Variants in SLC17A8 observed in about 807,000 individuals in gnomAD.
The protein encoded by SLC17A8 is vesicular glutamate transporter 3.
In SLC17A8, 31 loss-of-function variants were observed where a neutral mutation model predicts 58.0. The ratio of observed to expected loss-of-function variants is 0.53; its 90% confidence interval spans 0.40 to 0.72. The LOEUF (loss-of-function observed/expected upper bound fraction) is 0.72, where lower values mean the gene tolerates loss of function less well. SLC17A8 is among the 30% of genes least tolerant of loss of function. The probability of loss-of-function intolerance (pLI) is 0.00; values close to 1 mark genes in which losing one functional copy is unlikely to be tolerated. For missense variants in SLC17A8, 655 were observed against 727.8 expected, an observed-to-expected ratio of 0.90 and a Z score of 1.15; for synonymous variants, 228 against 249.0, an observed-to-expected ratio of 0.92 and a Z score of 0.79.
At chr12:100,399,064 T>A (rs1952772286) in intron 5 of SLC17A8, among the ~76,000 whole-genome samples, 2 of 152,214 alleles carry the variant, frequency 1.3e-5, no homozygotes, top group South Asian at 4.1e-4. Context: ...GAAATCAGAC[T>A]AATACATCCA....
chr12:100,397,159 G>C (rs1042617119), intron 5 of SLC17A8, among the ~76,000 whole-genome samples: 1 of 152,162 alleles, frequency 6.6e-6, no homozygotes, highest in African/African-American at 2.4e-5. Context: ...AGGGTTGGAA[G>C]TGGTTGTTGG....
chr12:100,406,288 T>C (rs1016885583), intron 9 of SLC17A8, among the ~76,000 whole-genome samples: 3 of 152,178 alleles, frequency 2.0e-5, no homozygotes, highest in African/African-American at 7.2e-5. Flanking sequence ...TGGTGCCTTA[T>C]TGCAGCTCTC....
chr12:100,382,091 CCA>C (rs2036540133), intron 2 of SLC17A8, among the ~76,000 whole-genome samples: 1 of 152,166 alleles, frequency 6.6e-6, no homozygotes, highest in Non-Finnish European at 1.5e-5. Context: ...AGGATTCCAT[CCA>C]CAGACTCCAG....
chr12:100,377,879 C>T (rs1222661018), intron 1 of SLC17A8, among the ~76,000 whole-genome samples: 3 of 152,146 alleles, frequency 2.0e-5, no homozygotes, highest in African/African-American at 7.2e-5. Flanking sequence ...TGAGCCACCG[C>T]GCCCAGCCTG....
chr12:100,379,928 A>G (rs1399442571), intron 1 of SLC17A8, among the ~76,000 whole-genome samples: 2 of 152,212 alleles, frequency 1.3e-5, no homozygotes, highest in African/African-American at 4.8e-5. Flanking sequence ...GGCCGGGCAC[A>G]GTGCCTCACA....
chr12:100,401,226 T>C (rs1034432952), intron 5 of SLC17A8, among the ~76,000 whole-genome samples: 3 of 151,976 alleles, frequency 2.0e-5, no homozygotes, highest in Admixed American at 2.0e-4. Context: ...CTTGAACTCC[T>C]GGCCTCAAGT....
intron 5 of SLC17A8, among the ~76,000 whole-genome samples, chr12:100,397,941 C>CAA (rs977464575): frequency 8.0e-6 from 1 of 125,010 alleles, no homozygotes; most frequent in Non-Finnish European, 1.7e-5. Context: ...GACCCCGTCT[C>CAA]AAAAAAAAAA....
intron 4 of SLC17A8, 112 bp downstream of exon 4, chr12:100,393,595 T>A: frequency 1.3e-6 from 1 of 789,030 alleles, no homozygotes; most frequent in Non-Finnish European, 2.2e-6. Flanking sequence ...TATATTTTCT[T>A]CCTTTTCCTG....
chr12:100,378,240 T>C (rs1240168292), intron 1 of SLC17A8, among the ~76,000 whole-genome samples: 3 of 152,184 alleles, frequency 2.0e-5, no homozygotes, highest in Non-Finnish European at 4.4e-5. Context: ...GATGACCAAG[T>C]GTTTTCCTGG....
intron 9 of SLC17A8, among the ~76,000 whole-genome samples, chr12:100,405,127 A>C (rs963836546): frequency 1.3e-5 from 2 of 152,240 alleles, no homozygotes; most frequent in African/African-American, 4.8e-5. Flanking sequence ...GCATTTCGGG[A>C]AGAAAGCCTA....
At chr12:100,414,314 C>A (rs959947088) in intron 10 of SLC17A8, among the ~76,000 whole-genome samples, 1 of 152,076 alleles carries the variant, frequency 6.6e-6, no homozygotes, top group African/African-American at 2.4e-5. Flanking sequence ...GGGCTTGTAT[C>A]TTTCAAAATA....
Position 100,418,241 on chromosome 12 carries a change from G to T in SLC17A8, c.1425+85G>T. ...CTTGAGATTTCAAGGCTCTACTGCA[G>T]TCTGTAAATGTGTATGTCCTTGACC... On this transcript the variant is annotated intron_variant, in intron 11 of 11. Transcript: ENST00000323346. The T allele has an allele frequency of 5.2e-6, 8 of 1,537,778 alleles. No homozygotes were observed. In the Middle Eastern group the frequency reaches 1.1e-3, roughly 209 times the overall value.
At chr12:100,405,799 G>C (rs991638518) in intron 9 of SLC17A8, among the ~76,000 whole-genome samples, 4 of 152,088 alleles carry the variant, frequency 2.6e-5, no homozygotes, top group African/African-American at 9.7e-5. Context: ...TGATATTTGT[G>C]TTGTTTTGAG....
rs776929603 is a variant in SLC17A8 at position 100,380,953 on chromosome 12, G to C, written c.354G>C (p.Gln118His). The change falls in exon 2 of 12, where the codon CAG (glutamine) becomes CAC (histidine). Residue 118 changes from glutamine to histidine, a missense_variant and splice_region_variant. By Grantham distance (24) the Gln-to-His change is conservative. Coordinates refer to ENST00000323346, the MANE Select transcript of SLC17A8 (RefSeq NM_139319.3). ...TVYVDGKPEI[Q>H]TAQFNWDPET... ...ATGTTGATGGAAAACCGGAAATTCA[G>C]GTTGGTATCAGTCCATGGTGGAAGA... is the stretch of plus-strand genomic sequence containing the variant. The C allele has an allele frequency of 6.2e-7, 1 of 1,613,878 alleles. No individual in the cohort carries two copies. Among genetic ancestry groups the C allele is most frequent in the African/African-American group, 1.3e-5 (1 of 74,882 alleles).
At chr12:100,359,898 G>A (rs1952473674) in intron 1 of SLC17A8, among the ~76,000 whole-genome samples, 1 of 152,220 alleles carries the variant, frequency 6.6e-6, no homozygotes, top group African/African-American at 2.4e-5. Flanking sequence ...CTGTTTTGTA[G>A]GAGCTTTTGG....
At chr12:100,416,293 T>C (rs1024284143) in intron 10 of SLC17A8, among the ~76,000 whole-genome samples, 5 of 152,246 alleles carry the variant, frequency 3.3e-5, no homozygotes, top group African/African-American at 9.6e-5. Flanking sequence ...TCAACAATCA[T>C]ATTAATTGCT....
At chr12:100,387,222 T>A (rs185343402) in intron 2 of SLC17A8, among the ~76,000 whole-genome samples, 1 of 152,272 alleles carries the variant, frequency 6.6e-6, no homozygotes, top group Admixed American at 6.5e-5. Context: ...CCACCAACAG[T>A]ATATAAGGGC....
intron 1 of SLC17A8, among the ~76,000 whole-genome samples, chr12:100,363,737 A>G (rs1031432075): frequency 1.1e-4 from 17 of 152,032 alleles, no homozygotes; most frequent in African/African-American, 3.6e-4. Context: ...TCGCAGCTGC[A>G]TCTTTAAGAA....
intron 8 of SLC17A8, among the ~76,000 whole-genome samples, chr12:100,402,989 T>G (rs1952802272): frequency 6.6e-6 from 1 of 152,162 alleles, no homozygotes; most frequent in East Asian, 1.9e-4. Flanking sequence ...TACCCAATCT[T>G]AGAGTGTTTT....
Sources: allele counts gnomAD v4.1 joint callset (sites outside exome capture counted in the v4.1 genomes callset), GRCh38; gene constraint gnomAD v4.1.1; transcripts MANE v1.5; gene names NCBI Gene and HGNC (gene_info 2026-07-23, HGNC 2026-07-21).